FAT3: variants seen among roughly 807,000 people sequenced by gnomAD.
FAT3 encodes the protein FAT atypical cadherin 3.
FAT3 carries 95 observed loss-of-function variants against 310.2 expected under a neutral mutation model. The ratio of observed to expected loss-of-function variants is 0.31; its 90% CI spans 0.26 to 0.36. The LOEUF (loss-of-function observed/expected upper bound fraction) is 0.36, where lower values mean the gene tolerates loss of function less well. Among genes scored for constraint, FAT3 ranks in the 10% least tolerant of loss-of-function variants. The pLI is 1.00. For missense variants in FAT3, 5,408 were observed against 5,715.6 expected (o/e 0.95, Z 1.74); for synonymous variants, 2,314 against 2,192.9 (o/e 1.06, Z -1.54).
At chr11:92,790,934 C>T (rs1231577999) in intron 8 of FAT3, among the ~76,000 whole-genome samples, 1 of 152,160 alleles carries the variant, frequency 6.6e-6, no homozygotes, top group Admixed American at 6.5e-5. Flanking sequence ...CCTGTCAGAG[C>T]CCCCACTGTG....
chr11:92,474,919 G>A (rs893206875), intron 2 of FAT3, among the ~76,000 whole-genome samples: 1 of 152,166 alleles, frequency 6.6e-6, no homozygotes, highest in Non-Finnish European at 1.5e-5. Context: ...TGTATTCATG[G>A]CTTGTTCTAT....
At chr11:92,571,739 C>T (rs1382125555) in intron 3 of FAT3, among the ~76,000 whole-genome samples, 2 of 152,148 alleles carry the variant, frequency 1.3e-5, no homozygotes, top group Non-Finnish European at 2.9e-5. Context: ...TAGCACTTAG[C>T]TCTTCTTTCC....
At chr11:92,702,171 G>A (rs1449359081) in intron 4 of FAT3, among the ~76,000 whole-genome samples, 2 of 152,284 alleles carry the variant, frequency 1.3e-5, no homozygotes, top group South Asian at 4.1e-4. Flanking sequence ...TGCTCAGGAC[G>A]CTGTCTGTTA....
chr11:92,455,361 G>C (rs1951469381), intron 2 of FAT3, among the ~76,000 whole-genome samples: 1 of 152,148 alleles, frequency 6.6e-6, no homozygotes, highest in Admixed American at 6.6e-5. Flanking sequence ...TCCTGCTGCA[G>C]TCACTTCATT....
intron 1 of FAT3, among the ~76,000 whole-genome samples, chr11:92,244,400 T>C (rs1177312304): frequency 6.6e-6 from 1 of 152,114 alleles, no homozygotes; most frequent in East Asian, 1.9e-4. Context: ...CGAGACATAT[T>C]TTATCTGGCA....
At chr11:92,313,018 C>T (rs1331425457) in intron 1 of FAT3, among the ~76,000 whole-genome samples, 3 of 152,112 alleles carry the variant, frequency 2.0e-5, no homozygotes, top group Non-Finnish European at 4.4e-5. Flanking sequence ...TAAGTACTTC[C>T]CAGCTTTCTA....
chr11:92,621,883 G>A (rs186945590), intron 3 of FAT3, among the ~76,000 whole-genome samples: 65 of 152,274 alleles, frequency 4.3e-4, no homozygotes, highest in African/African-American at 1.2e-3. Context: ...CCTAGGATGC[G>A]TGTTTAAAAA....
rs12362722 is a variant in FAT3, at chr11:92,799,511, T to C, written c.6498T>C (p.Pro2166=). 0.84 allele frequency: 1,347,292 copies of C among 1,613,348 alleles called. 563,320 individuals are homozygous for C. Among genetic ancestry groups the C allele is most frequent in the Admixed American group, 0.85 (51,156 of 59,954 alleles). The change falls in exon 10 of 28, where the codon CCT becomes CCC. Residue 2166 remains proline (P), a synonymous_variant. Coordinates refer to ENST00000525166, the MANE Select transcript of FAT3 (RefSeq NM_001367949.2). ...TCCTAGCCAAGGATGGCGGAAAACCTTCTTTGTCTACATCTGTGGAGCTTC... is the reference window on the plus strand; with the variant it reads ...TCCTAGCCAAGGATGGCGGAAAACCCTCTTTGTCTACATCTGTGGAGCTTC... ...VTILAKDGGK[P]SLSTSVELPI... is the part of the protein sequence containing the mutation.
At chr11:92,884,118 G>C (rs1051791186) in intron 24 of FAT3, among the ~76,000 whole-genome samples, 7 of 152,198 alleles carry the variant, frequency 4.6e-5, no homozygotes, top group Admixed American at 1.3e-4. Flanking sequence ...TAGGCACAGG[G>C]AAGAGCCACA....
intron 3 of FAT3, among the ~76,000 whole-genome samples, chr11:92,633,531 T>C (rs1565474122): frequency 6.6e-6 from 1 of 152,192 alleles, no homozygotes; most frequent in South Asian, 2.1e-4. Context: ...GTGTCCTTCA[T>C]TCTCTGTGTC....
chr11:92,638,279 C>T (rs891793943), intron 3 of FAT3, among the ~76,000 whole-genome samples: 2 of 152,182 alleles, frequency 1.3e-5, no homozygotes, highest in Non-Finnish European at 2.9e-5. Flanking sequence ...TACGTCTTTT[C>T]ATAATCTATT....
chr11:92,448,783 A>C (rs950323198), intron 2 of FAT3, among the ~76,000 whole-genome samples: 3 of 152,214 alleles, frequency 2.0e-5, no homozygotes, highest in African/African-American at 7.2e-5. Context: ...GCTCTTTTGC[A>C]TTCAGAATCT....
chr11:92,225,234 T>C (rs377532711), intron 1 of FAT3, among the ~76,000 whole-genome samples, 60 bp downstream of exon 1: 2 of 152,150 alleles, frequency 1.3e-5, no homozygotes, highest in African/African-American at 2.4e-5. Context: ...GGAGCGCGCC[T>C]GCCGGAGCAC....
intron 3 of FAT3, among the ~76,000 whole-genome samples, chr11:92,574,779 C>T (rs962281592): frequency 2.6e-5 from 4 of 152,124 alleles, no homozygotes; most frequent in African/African-American, 7.2e-5. Flanking sequence ...ATTTGTGGAG[C>T]ATTCCTGCAC....
chr11:92,887,148 G>A, intron 25 of FAT3, 35 bp downstream of exon 25: 1 of 1,553,662 alleles, frequency 6.4e-7, no homozygotes, highest in Non-Finnish European at 8.8e-7. Context: ...GAGCGGGTGG[G>A]TTCTGCTTCC....
Position 92,800,250 on chromosome 11 carries a change from G to A in FAT3, c.7237G>A (p.Val2413Ile), listed in dbSNP as rs1469261384. 2 of 1,613,986 alleles carry A rather than the reference G, an allele frequency of 1.2e-6. No homozygotes were observed. The highest frequency in any genetic ancestry group is 1.7e-6 in the Non-Finnish European group (2 of 1,179,872). The stretch of plus-strand genomic sequence containing the variant: ...TGAATTAGCCCCCCGGGGCCATTTT[G>A]TAACCTGTGTACAAGCCTCTGATGC... ...VSELAPRGHF[V>I]TCVQASDADS... The change falls in exon 10 of 28, where the codon GTA becomes ATA. Residue 2413 changes from valine to isoleucine, a missense_variant. Val to Ile is a conservative substitution (Grantham distance 29). This residue lies in a region of FAT3 where 4,588 missense variants were observed against 4,809.8 expected (regional missense o/e 0.95). Transcript: ENST00000525166.
At chr11:92,241,887 G>T (rs576405366) in intron 1 of FAT3, among the ~76,000 whole-genome samples, 2 of 152,006 alleles carry the variant, frequency 1.3e-5, no homozygotes, top group South Asian at 4.1e-4. Context: ...ATATTATTTT[G>T]GCACAGTGGA....
intron 2 of FAT3, among the ~76,000 whole-genome samples, chr11:92,435,325 C>A: frequency 6.6e-6 from 1 of 152,270 alleles, no homozygotes; most frequent in Middle Eastern, 3.4e-3. Context: ...ACAGGCTTTT[C>A]CCTGATGTCT....
At chr11:92,712,748 CT>C (rs1391425329) in intron 4 of FAT3, among the ~76,000 whole-genome samples, 1 of 152,192 alleles carries the variant, frequency 6.6e-6, no homozygotes, top group African/African-American at 2.4e-5. Context: ...AAATGTGTAA[CT>C]ATAAATGCCT....
Sources: allele counts gnomAD v4.1 joint callset (sites outside exome capture counted in the v4.1 genomes callset), GRCh38; gene constraint gnomAD v4.1.1; regional missense constraint gnomAD v4.1.1; transcripts MANE v1.5; gene names NCBI Gene and HGNC (gene_info 2026-07-23, HGNC 2026-07-21).